ROR2: variants seen among roughly 807,000 people sequenced by gnomAD.
ROR2 encodes tyrosine-protein kinase transmembrane receptor ROR2.
Under a neutral mutation model 74.9 loss-of-function variants are expected in ROR2, and 33 were observed. The ratio of observed to expected loss-of-function variants is 0.44; its 90% CI spans 0.33 to 0.59. The LOEUF (loss-of-function observed/expected upper bound fraction) is 0.59, where lower values mean the gene tolerates loss of function less well. Ranked by LOEUF, ROR2 falls within the 20% of genes least tolerant of loss-of-function variation. The pLI, the probability that ROR2 is intolerant of heterozygous loss-of-function variation, is 0.02. For missense variants in ROR2, 1,216 were observed against 1,313.8 expected (o/e 0.93, Z 1.15); for synonymous variants, 586 against 558.7 (o/e 1.05, Z -0.69).
intron 1 of ROR2, among the ~76,000 whole-genome samples, chr9:91,884,351 C>T (rs565067185): frequency 2.0e-5 from 3 of 152,020 alleles, no homozygotes; most frequent in East Asian, 3.9e-4. Context: ...TGGTGGGTAC[C>T]CCTGTGACAG....
intron 1 of ROR2, among the ~76,000 whole-genome samples, chr9:91,836,113 C>T (rs772777625): frequency 6.6e-6 from 1 of 152,194 alleles, no homozygotes; most frequent in East Asian, 1.9e-4. Flanking sequence ...TGGAATCCCA[C>T]CATGCTTCTC....
At chr9:91,903,493 G>A (rs1040222195) in intron 1 of ROR2, among the ~76,000 whole-genome samples, 6 of 151,682 alleles carry the variant, frequency 4.0e-5, no homozygotes, top group African/African-American at 9.7e-5. Flanking sequence ...TTCTCCTCAA[G>A]TCAAAACTTA....
intron 1 of ROR2, among the ~76,000 whole-genome samples, chr9:91,919,808 C>A (rs1831221231): frequency 6.6e-6 from 1 of 152,212 alleles, no homozygotes; most frequent in African/African-American, 2.4e-5. Context: ...CTCCTGTACC[C>A]TTCCTGGGAA....
chr9:91,895,331 A>C (rs552544370), intron 1 of ROR2, among the ~76,000 whole-genome samples: 1 of 152,212 alleles, frequency 6.6e-6, no homozygotes, highest in South Asian at 2.1e-4. Flanking sequence ...TGGTAGACAC[A>C]TATCATTTTA....
At chr9:91,757,728 T>C (rs776073829) in intron 2 of ROR2, among the ~76,000 whole-genome samples, 169 bp from the exon 3 acceptor site, 28 of 152,114 alleles carry the variant, frequency 1.8e-4, no homozygotes, top group Non-Finnish European at 4.0e-4. Context: ...CAGGGAACAC[T>C]GAATTAGTGA....
At chr9:91,900,577 A>G (rs1351295188) in intron 1 of ROR2, among the ~76,000 whole-genome samples, 1 of 152,216 alleles carries the variant, frequency 6.6e-6, no homozygotes, top group Non-Finnish European at 1.5e-5. Context: ...GAGGCGGGAA[A>G]ACGACAAGCT....
chr9:91,814,788 C>T (rs1196339982), intron 1 of ROR2, among the ~76,000 whole-genome samples: 1 of 152,326 alleles, frequency 6.6e-6, no homozygotes, highest in East Asian at 1.9e-4. Flanking sequence ...GGAAGGGAGC[C>T]AGTGTGGCCA....
chr9:91,789,242 T>C (rs1245133019), intron 1 of ROR2, among the ~76,000 whole-genome samples: 1 of 152,306 alleles, frequency 6.6e-6, no homozygotes, highest in East Asian at 1.9e-4. Flanking sequence ...GCATCAATTT[T>C]ACATAAAAAT....
chr9:91,943,125 C>T (rs1453047571), intron 1 of ROR2, among the ~76,000 whole-genome samples: 2 of 152,164 alleles, frequency 1.3e-5, no homozygotes, highest in Admixed American at 1.3e-4. Context: ...CCCCTGAGTA[C>T]ATCTGCCATG....
At chr9:91,860,803 C>T (rs927160318) in intron 1 of ROR2, among the ~76,000 whole-genome samples, 3 of 152,182 alleles carry the variant, frequency 2.0e-5, no homozygotes, top group Non-Finnish European at 2.9e-5. Flanking sequence ...CCACCAACTC[C>T]CACGCCAGTC....
intron 1 of ROR2, among the ~76,000 whole-genome samples, chr9:91,872,882 T>C (rs552701766): frequency 3.3e-5 from 5 of 152,292 alleles, no homozygotes; most frequent in South Asian, 2.1e-4. Context: ...CATCAATCTA[T>C]GGAACCAGGA....
chr9:91,799,843 G>A (rs957840882), intron 1 of ROR2, among the ~76,000 whole-genome samples: 5 of 152,168 alleles, frequency 3.3e-5, no homozygotes, highest in African/African-American at 9.7e-5. Flanking sequence ...CCTCAGCAGG[G>A]GCCATGGCTC....
At chr9:91,746,294 T>C (rs1287194092) in intron 4 of ROR2, among the ~76,000 whole-genome samples, 1 of 152,028 alleles carries the variant, frequency 6.6e-6, no homozygotes, top group Admixed American at 6.6e-5. Flanking sequence ...CCCGGCTGGT[T>C]TCCATCTCCT....
At chr9:91,734,577 G>A (rs1824959060) in intron 5 of ROR2, among the ~76,000 whole-genome samples, 1 of 152,038 alleles carries the variant, frequency 6.6e-6, no homozygotes, top group Non-Finnish European at 1.5e-5. Context: ...CAGTGCCGCT[G>A]TCAGTCATTC....
At chr9:91,807,489 C>T (rs868492986) in intron 1 of ROR2, among the ~76,000 whole-genome samples, 7 of 152,206 alleles carry the variant, frequency 4.6e-5, no homozygotes, top group Admixed American at 2.0e-4. Flanking sequence ...CTGTGAGACA[C>T]TCCAGCAAAT....
At chr9:91,853,553 G>A (rs1829180567) in intron 1 of ROR2, among the ~76,000 whole-genome samples, 1 of 152,156 alleles carries the variant, frequency 6.6e-6, no homozygotes, top group African/African-American at 2.4e-5. Flanking sequence ...ACTCAGGTGG[G>A]TGCAGGACCC....
intron 1 of ROR2, among the ~76,000 whole-genome samples, chr9:91,909,838 G>GGTT (rs1830909723): frequency 1.6e-5 from 1 of 63,198 alleles, no homozygotes; most frequent in African/African-American, 6.5e-5. Context: ...TTTTTTTTAG[G>GGTT]TTTGTTTTGT....
Position 91,928,247 on chromosome 9 carries a change from TC to T in ROR2, c.97+21619del, listed in dbSNP as rs1831461345. Among the ~76,000 whole-genome samples the T allele has an allele frequency of 2.0e-5, 3 of 152,080 alleles. No homozygotes were observed. The South Asian group carries it at 6.2e-4, about 32-fold the overall frequency. On this transcript the variant is annotated intron_variant, in intron 1 of 8. Coordinates refer to ENST00000375708, the MANE Select transcript of ROR2 (RefSeq NM_004560.4). Reference sequence around the variant, plus strand: ...TGCCAACAAGAGTCACATCAGCCCATCTGGAACCGTCCCCCACTGCCTTGTA... The same window carrying T: ...TGCCAACAAGAGTCACATCAGCCCATTGGAACCGTCCCCCACTGCCTTGTA...
intron 1 of ROR2, among the ~76,000 whole-genome samples, chr9:91,892,127 C>T (rs1345885275): frequency 6.6e-6 from 1 of 151,816 alleles, no homozygotes; most frequent in African/African-American, 2.4e-5. Context: ...CTTCCTGTCC[C>T]AACCTCTAGG....
Sources: gnomAD v4.1 joint callset for allele counts (sites outside exome capture counted in the v4.1 genomes callset) on GRCh38, gnomAD v4.1.1 for gene constraint, MANE v1.5 for transcripts, NCBI Gene and HGNC (gene_info 2026-07-23, HGNC 2026-07-21) for gene names.